The following SCN9A variants were observed in gnomAD, a reference collection of about 807,000 sequenced individuals.
SCN9A encodes the protein sodium channel protein type 9 subunit alpha.
SCN9A carries 131 observed loss-of-function variants against 187.0 expected under a neutral mutation model. The observed-to-expected ratio is 0.70, with a 90% CI of 0.61 to 0.81. SCN9A has a LOEUF of 0.81. Among genes scored for constraint, SCN9A ranks in the 30% least tolerant of loss-of-function variants. SCN9A has a pLI of 0.00. For missense variants in SCN9A, 2,252 were observed against 2,396.6 expected, an observed-to-expected ratio of 0.94 and a Z score of 1.26; for synonymous variants, 809 against 808.6, an observed-to-expected ratio of 1.00 and a Z score of -0.01.
rs147160461 is a variant in SCN9A at position 166,236,336 on chromosome 2, T to A, written c.3801+1758A>T. Among the ~76,000 whole-genome samples, 225 of 152,324 alleles carry A rather than the reference T, an allele frequency of 1.5e-3. 9 individuals are homozygous for A. The East Asian group carries it at 0.033, about 22-fold the overall frequency. On this transcript the variant is annotated intron_variant, in intron 20 of 26. Coordinates refer to ENST00000642356, the MANE Select transcript of SCN9A (RefSeq NM_001365536.1). ...ACATATAAGGTGTAATATATAGCTA[T>A]GTTAAAAATTTTTTCACATTACATA...
At chr2:166,236,000 GA>G (rs1380004568) in intron 20 of SCN9A, among the ~76,000 whole-genome samples, 10 of 151,904 alleles carry the variant, frequency 6.6e-5, no homozygotes, top group African/African-American at 2.4e-4. Flanking sequence ...ACTGAATGAT[GA>G]AAATGAGTGT....
intron 17 of SCN9A, among the ~76,000 whole-genome samples, chr2:166,263,162 C>A (rs113820272): frequency 7.4e-4 from 112 of 152,108 alleles, no homozygotes; most frequent in Admixed American, 1.6e-3. Context: ...TTTGGAACTA[C>A]TCCAGAGGGT....
At chr2:166,345,096 T>G (rs1574948638) in intron 1 of SCN9A, among the ~76,000 whole-genome samples, 1 of 152,274 alleles carries the variant, frequency 6.6e-6, no homozygotes, top group East Asian at 1.9e-4. Context: ...GGGTATCTAG[T>G]GGCTTCAGTA....
At chr2:166,251,090 G>A (rs1332607442) in intron 18 of SCN9A, among the ~76,000 whole-genome samples, 1 of 152,018 alleles carries the variant, frequency 6.6e-6, no homozygotes, top group African/African-American at 2.4e-5. Flanking sequence ...GCAGATCTGG[G>A]ACTCAAGAGT....
At chr2:166,248,366 C>A (rs550204090) in intron 18 of SCN9A, 3 of 152,174 alleles carry the variant, frequency 2.0e-5, no homozygotes, top group South Asian at 4.2e-4. Context: ...TTTTTAAGCA[C>A]CCAATGTTCA....
intron 24 of SCN9A, among the ~76,000 whole-genome samples, chr2:166,209,094 A>G (rs1199524250): frequency 6.6e-6 from 1 of 152,208 alleles, no homozygotes; most frequent in African/African-American, 2.4e-5. Context: ...ACGGTAGATT[A>G]GCTGTTTGAG....
At chr2:166,239,360 T>A (rs1453790759) in intron 19 of SCN9A, among the ~76,000 whole-genome samples, 2 of 152,174 alleles carry the variant, frequency 1.3e-5, no homozygotes, top group Non-Finnish European at 2.9e-5. Flanking sequence ...CAAAGACCTG[T>A]ATCCTTCGTG....
intron 23 of SCN9A, among the ~76,000 whole-genome samples, 183 bp downstream of exon 23, chr2:166,227,487 A>G (rs1335276252): frequency 1.3e-5 from 2 of 152,228 alleles, no homozygotes; most frequent in African/African-American, 4.8e-5. Context: ...TGGTACAGCT[A>G]GAATTTGAAT....
rs776092408 is a variant in SCN9A at position 166,204,186 on chromosome 2, G to T, written c.4543C>A (p.Gln1515Lys). The change falls in exon 26 of 27, where the codon CAA becomes AAA. Residue 1515 changes from glutamine to lysine, a missense_variant. Transcript: ENST00000642356. ...ACCATGATACTAATATCAAAGGCTT[G>T]ATTTGTCACTAGGTCAAATATACAT... ...QGCIFDLVTN[Q>K]AFDISIMVLI... 6.2e-7 allele frequency: 1 copy of T among 1,612,100 alleles called. No individual in the cohort carries two copies. Among genetic ancestry groups the T allele is most frequent in the Non-Finnish European group, 8.5e-7 (1 of 1,178,690 alleles).
At chr2:166,370,679 C>T (rs1574975263) in intron 1 of SCN9A, among the ~76,000 whole-genome samples, 1 of 151,428 alleles carries the variant, frequency 6.6e-6, no homozygotes, top group African/African-American at 2.4e-5. Context: ...TTAATGCATG[C>T]TTCTAATCTT....
chr2:166,302,257 TCTTC>T (rs1698587480), intron 7 of SCN9A: 7 of 143,660 alleles, frequency 4.9e-5, no homozygotes, highest in African/African-American at 2.1e-4. Context: ...CTTGATCATA[TCTTC>T]ATCCAATATT....
At position 166,299,329 on chromosome 2, in the gene SCN9A, C is replaced by T. The variant is rs144531162; in HGVS notation, c.901+3761G>A. ...CCTCTTCTTTTCACCCCTGTATGCA[C>T]CTTATTCTTACCTTGAACCCTACCA... is the stretch of plus-strand genomic sequence containing the variant. On this transcript the variant is annotated intron_variant, in intron 7 of 26. Transcript: ENST00000642356. Among the ~76,000 whole-genome samples the T allele has an allele frequency of 3.5e-3, 522 of 150,752 alleles. 46 individuals carry two copies. Among genetic ancestry groups the T allele is most frequent in the African/African-American group, 0.013 (509 of 40,170 alleles).
intron 1 of SCN9A, among the ~76,000 whole-genome samples, chr2:166,359,412 G>T (rs1700225984): frequency 6.6e-6 from 1 of 152,008 alleles, no homozygotes; most frequent in Admixed American, 6.6e-5. Context: ...AGGCAGGCTG[G>T]CTACTCATTT....
At chr2:166,313,502 T>C (rs1290903476) in intron 1 of SCN9A, among the ~76,000 whole-genome samples, 1 of 152,184 alleles carries the variant, frequency 6.6e-6, no homozygotes, top group Non-Finnish European at 1.5e-5. Flanking sequence ...TTCAATCTCA[T>C]GGGGTACCGT....
intron 7 of SCN9A, 110 bp downstream of exon 7, chr2:166,302,980 T>C: frequency 1.1e-6 from 1 of 879,606 alleles, no homozygotes; most frequent in East Asian, 2.7e-5. Flanking sequence ...GCTTTCTATA[T>C]ATTTGAATAG....
At chr2:166,304,385 T>A in intron 5 of SCN9A, 56 bp from the exon 6 acceptor site, 1 of 1,464,090 alleles carries the variant, frequency 6.8e-7, no homozygotes, top group Non-Finnish European at 9.5e-7. Context: ...GATACTTACC[T>A]GAGCCTTTAG....
intron 24 of SCN9A, among the ~76,000 whole-genome samples, chr2:166,225,130 A>T (rs1055557849): frequency 2.6e-5 from 4 of 152,080 alleles, no homozygotes; most frequent in African/African-American, 9.7e-5. Context: ...TATTTCTCCA[A>T]ATCTTAAATT....
intron 1 of SCN9A, among the ~76,000 whole-genome samples, chr2:166,315,598 A>G (rs551359194): frequency 6.6e-6 from 1 of 152,352 alleles, no homozygotes; most frequent in South Asian, 2.1e-4. Context: ...ATCATCCTCT[A>G]GTTTGGAGAG....
Position 166,248,813 on chromosome 2 carries a change from T to G in SCN9A, c.3472+2952A>C, listed in dbSNP as rs138767807. Among the ~76,000 whole-genome samples, 20 of 152,116 alleles carry G rather than the reference T, an allele frequency of 1.3e-4. No individual in the cohort carries two copies. The East Asian group carries it at 1.9e-3, about 15-fold the overall frequency. On this transcript the variant is annotated intron_variant, in intron 18 of 26. Coordinates refer to ENST00000642356, the MANE Select transcript of SCN9A (RefSeq NM_001365536.1). ...TCACAAGTAGCTGGGATTATAGGCA[T>G]GTATCACCAAGATCAATTAATTTTT... is the stretch of plus-strand genomic sequence containing the variant.
Sources: allele counts gnomAD v4.1 joint callset (sites outside exome capture counted in the v4.1 genomes callset), GRCh38; gene constraint gnomAD v4.1.1; transcripts MANE v1.5; gene names NCBI Gene and HGNC (gene_info 2026-07-23, HGNC 2026-07-21).